The following ABCA1 variants were observed in gnomAD, a reference collection of about 807,000 sequenced individuals.
ABCA1 encodes the protein ATP binding cassette subfamily A member 1.
Under a neutral mutation model 262.5 loss-of-function variants are expected in ABCA1, and 133 were observed. That is an observed-to-expected ratio of 0.51 (90% CI 0.44 to 0.59). The LOEUF (loss-of-function observed/expected upper bound fraction) is 0.59. ABCA1 is among the 20% of genes least tolerant of loss of function. The probability of loss-of-function intolerance (pLI) is 0.00; values close to 1 mark genes in which losing one functional copy is unlikely to be tolerated. For synonymous variants in ABCA1, 1,022 were observed against 1,043.5 expected (o/e 0.98, Z 0.40); for missense variants, 2,452 against 2,777.5 (o/e 0.88, Z 2.63).
chr9:104,843,926 A>G (rs1247579029), intron 8 of ABCA1, among the ~76,000 whole-genome samples: 2 of 152,100 alleles, frequency 1.3e-5, no homozygotes, highest in African/African-American at 4.8e-5. Flanking sequence ...GCAGGGCACA[A>G]GAAACAGCTG....
chr9:104,798,305 C>T, intron 37 of ABCA1, 116 bp downstream of exon 37: 1 of 1,259,880 alleles, frequency 7.9e-7, no homozygotes, highest in South Asian at 1.2e-5. Context: ...CTTTTTCATA[C>T]ATCTTTAGAG....
At chr9:104,842,890 C>T (rs892949253) in intron 8 of ABCA1, among the ~76,000 whole-genome samples, 1 of 152,144 alleles carries the variant, frequency 6.6e-6, no homozygotes, top group African/African-American at 2.4e-5. Context: ...GTATGGCACT[C>T]ACCTCCTCCT....
chr9:104,835,246 CAA>C (rs201375651), intron 11 of ABCA1, among the ~76,000 whole-genome samples: 45 of 99,186 alleles, frequency 4.5e-4, no homozygotes, highest in African/African-American at 7.0e-4. Flanking sequence ...AGACTCTGTC[CAA>C]AAAAAAAAAA....
chr9:104,869,899 G>C (rs752947236), intron 5 of ABCA1, among the ~76,000 whole-genome samples: 1 of 146,696 alleles, frequency 6.8e-6, no homozygotes, highest in Non-Finnish European at 1.5e-5. Flanking sequence ...TGGAGGTCTA[G>C]CTTCCTATAC....
At chr9:104,806,509 C>G in intron 30 of ABCA1, 79 bp from the exon 31 acceptor site, 1 of 1,387,720 alleles carries the variant, frequency 7.2e-7, no homozygotes, top group Non-Finnish European at 1.0e-6. Flanking sequence ...CAGGATCATT[C>G]CGTAACAACC....
intron 37 of ABCA1, among the ~76,000 whole-genome samples, chr9:104,797,671 A>G (rs985727270): frequency 1.3e-5 from 2 of 152,246 alleles, no homozygotes; most frequent in African/African-American, 2.4e-5. Context: ...AGATCTCATC[A>G]TCATCTCCAC....
At chr9:104,859,955 T>A (rs1836196770) in intron 6 of ABCA1, among the ~76,000 whole-genome samples, 1 of 149,176 alleles carries the variant, frequency 6.7e-6, no homozygotes, top group South Asian at 2.1e-4. Flanking sequence ...CTCAGGAGGC[T>A]GAAGCAGAGA....
chr9:104,924,612 A>G (rs1044432964), intron 1 of ABCA1, among the ~76,000 whole-genome samples: 23 of 116,932 alleles, frequency 2.0e-4, no homozygotes, highest in African/African-American at 5.6e-4. Context: ...TCCATCTCAG[A>G]AAAAAAAAAA....
intron 5 of ABCA1, among the ~76,000 whole-genome samples, chr9:104,874,613 G>A (rs865835048): frequency 3.3e-5 from 5 of 151,996 alleles, no homozygotes; most frequent in Admixed American, 1.3e-4. Flanking sequence ...AAACAGAGCC[G>A]GGCGCAGTGG....
At chr9:104,885,976 C>T (rs1287162676) in intron 3 of ABCA1, among the ~76,000 whole-genome samples, 1 of 152,154 alleles carries the variant, frequency 6.6e-6, no homozygotes, top group African/African-American at 2.4e-5. Flanking sequence ...AAGTCATTGA[C>T]CCCATACCCT....
intron 5 of ABCA1, among the ~76,000 whole-genome samples, chr9:104,875,305 T>C (rs962207181): frequency 7.1e-6 from 1 of 140,332 alleles, no homozygotes; most frequent in Non-Finnish European, 1.5e-5. Flanking sequence ...ATCACACCAC[T>C]ACACTCCATG....
intron 3 of ABCA1, among the ~76,000 whole-genome samples, chr9:104,888,718 A>C (rs557679144): frequency 1.4e-4 from 22 of 152,360 alleles, no homozygotes; most frequent in African/African-American, 5.3e-4. Flanking sequence ...AATGCTGCTT[A>C]AAATTCTGTG....
intron 5 of ABCA1, among the ~76,000 whole-genome samples, chr9:104,880,227 T>C (rs1838510219): frequency 6.6e-6 from 1 of 152,136 alleles, no homozygotes. Flanking sequence ...GCCAAGCTCA[T>C]CATGCTGTGA....
At chr9:104,784,603 G>C in intron 49 of ABCA1, 148 bp from the exon 50 acceptor site, 1 of 980,742 alleles carries the variant, frequency 1.0e-6, no homozygotes, top group Non-Finnish European at 1.5e-6. Flanking sequence ...GTGTGTGAAG[G>C]AGGGAAGAAT....
At chr9:104,880,201 G>A (rs946643764) in intron 5 of ABCA1, among the ~76,000 whole-genome samples, 1 of 152,220 alleles carries the variant, frequency 6.6e-6, no homozygotes, top group Non-Finnish European at 1.5e-5. Context: ...AGCCCTGGGA[G>A]AGACAGCACA....
intron 2 of ABCA1, among the ~76,000 whole-genome samples, chr9:104,889,689 T>C (rs536476938): frequency 6.6e-6 from 1 of 152,270 alleles, no homozygotes; most frequent in Admixed American, 6.5e-5. Context: ...GGTGACTATG[T>C]TGAGAGGAGA....
chr9:104,919,320 G>A (rs1842010611), intron 1 of ABCA1, among the ~76,000 whole-genome samples: 2 of 152,222 alleles, frequency 1.3e-5, no homozygotes, highest in South Asian at 4.1e-4. Flanking sequence ...ATTATAAGAA[G>A]TAAAACTTAG....
intron 5 of ABCA1, among the ~76,000 whole-genome samples, chr9:104,878,650 T>C (rs539963891): frequency 4.9e-4 from 74 of 152,284 alleles, no homozygotes; most frequent in Non-Finnish European, 1.0e-3. Context: ...CCTCTGTGTC[T>C]CGGCACTTAG....
intron 1 of ABCA1, among the ~76,000 whole-genome samples, chr9:104,917,977 A>T (rs781169673): frequency 7.9e-5 from 12 of 152,230 alleles, no homozygotes; most frequent in Non-Finnish European, 1.6e-4. Context: ...TTTTCCAATT[A>T]CAGGTCAAAT....
Sources: allele counts gnomAD v4.1 joint callset (sites outside exome capture counted in the v4.1 genomes callset), GRCh38; gene constraint gnomAD v4.1.1; transcripts MANE v1.5; gene names NCBI Gene and HGNC (gene_info 2026-07-23, HGNC 2026-07-21).